PGAP4: variants seen among roughly 807,000 people sequenced by gnomAD.
The protein encoded by PGAP4 is GPI-N-acetylgalactosamine transferase PGAP4.
PGAP4 carries 12 observed loss-of-function variants against 28.2 expected under a neutral mutation model. The ratio of observed to expected loss-of-function variants is 0.42; its 90% CI spans 0.27 to 0.69. The LOEUF is 0.69. Among genes scored for constraint, PGAP4 ranks in the 30% least tolerant of loss-of-function variants. The pLI is 0.22. For missense variants in PGAP4, 425 were observed against 513.5 expected (o/e 0.83, Z 1.67); for synonymous variants, 205 against 211.8 (o/e 0.97, Z 0.28).
chr9:101,487,894 A>C (rs1255327073), upstream of PGAP4, among the ~76,000 whole-genome samples: 1 of 152,208 alleles, frequency 6.6e-6, no homozygotes, highest in African/African-American at 2.4e-5. Context: ...GGCTGCTACC[A>C]TGAAAGAACA....
In PGAP4 at chr9:101,486,627, G is replaced by A. The variant is rs1826621367; in HGVS notation, c.-78+322C>T. 6.6e-6 allele frequency among the ~76,000 whole-genome samples: 1 copy of A among 150,856 alleles called. No individual in the cohort carries two copies. The highest frequency in any genetic ancestry group is 2.1e-4 in the South Asian group (1 of 4,726). ...TTGACCTGTCAGCGCAGCTGGCGCA[G>A]GCAAGGGCCAGGGAGGCGCCCCCGA... On this transcript the variant is annotated intron_variant, in intron 1 of 1. Transcript: ENST00000374848. The surrounding 1 kb of genome is among the most constrained non-coding windows in gnomAD (Gnocchi z 4.7).
Position 101,473,530 on chromosome 9 carries a change from T to C in PGAP4, c.*2351A>G, listed in dbSNP as rs1025041034. ...GAACTGAGCCTGCATCTGCAGAAAATGTCCAAAGACAACTGGCAGAGTTCA... is the reference window on the plus strand; with the variant it reads ...GAACTGAGCCTGCATCTGCAGAAAACGTCCAAAGACAACTGGCAGAGTTCA... On this transcript the variant is annotated 3_prime_UTR_variant, in exon 2 of 2. Coordinates refer to ENST00000374848, the MANE Select transcript of PGAP4 (RefSeq NM_032342.3). The C allele has an allele frequency of 6.6e-6, 1 of 152,208 alleles. No homozygotes were observed. Among genetic ancestry groups the C allele is most frequent in the African/African-American group, 2.4e-5 (1 of 41,444 alleles). 9.4% of individuals were successfully genotyped at this position (152,208 alleles called of 1,614,324 possible). A position where few individuals can be genotyped will look rare whatever the true frequency, so the allele number is the denominator to read the frequency against.
intron 2 of PGAP4, among the ~76,000 whole-genome samples, chr9:101,497,640 G>C (rs553994388): frequency 2.0e-4 from 30 of 151,642 alleles, no homozygotes; most frequent in African/African-American, 7.2e-4. Context: ...GAAAATGTAT[G>C]TTGACAATTT....
exon 1 of PGAP4, chr9:101,533,403 C>G (rs1827128924): frequency 6.6e-6 from 1 of 152,276 alleles, no homozygotes; most frequent in Non-Finnish European, 1.5e-5. Context: ...TCAAATCCCT[C>G]AGATTCTCTC....
At chr9:101,525,476 G>A (rs1406858785) in intron 2 of PGAP4, among the ~76,000 whole-genome samples, 1 of 152,008 alleles carries the variant, frequency 6.6e-6, no homozygotes, top group East Asian at 1.9e-4. Context: ...GGAGGCCGAG[G>A]TGGGCAGATT....
chr9:101,530,700 A>G (rs909317104), intron 2 of PGAP4, among the ~76,000 whole-genome samples: 3 of 152,202 alleles, frequency 2.0e-5, no homozygotes, highest in African/African-American at 7.2e-5. Flanking sequence ...CCAATTCGCT[A>G]GAGTGAGACA....
chr9:101,498,637 T>C (rs1448961291), intron 2 of PGAP4, among the ~76,000 whole-genome samples: 1 of 151,954 alleles, frequency 6.6e-6, no homozygotes, highest in South Asian at 2.1e-4. Flanking sequence ...AAATACTACA[T>C]GTTAACTGTA....
intron 2 of PGAP4, among the ~76,000 whole-genome samples, chr9:101,500,826 T>C (rs1480491143): frequency 6.6e-6 from 1 of 152,052 alleles, no homozygotes; most frequent in Non-Finnish European, 1.5e-5. Flanking sequence ...CCCTTCTTGA[T>C]AGAAGTAAGG....
chr9:101,496,916 TAAAG>T (rs1050851284), intron 2 of PGAP4, among the ~76,000 whole-genome samples: 2 of 150,578 alleles, frequency 1.3e-5, no homozygotes, highest in Non-Finnish European at 1.5e-5. Context: ...ATTTTTTCAA[TAAAG>T]AATGTTTTTT....
chr9:101,476,177 C>A lies in PGAP4; in HGVS notation c.916G>T (p.Glu306Ter). 1 of 1,614,176 alleles carries A rather than the reference C, an allele frequency of 6.2e-7. No individual in the cohort carries two copies. Among genetic ancestry groups the A allele is most frequent in the East Asian group, 2.2e-5 (1 of 44,866 alleles). Residue 306 changes from glutamate to a stop codon, truncating the protein, a stop_gained, in exon 2 of 2, where the codon GAG becomes TAG. Transcript: ENST00000374848. LOFTEE classifies it high-confidence loss of function. The surrounding 1 kb of genome is among the most constrained non-coding windows in gnomAD (Gnocchi z 7.0). ...AGGAAATAGTGCCGACCCACCAGCT[C>A]CACCAGACCCATGCTATACAGGGAG... ...FFSLYSMGLV[E>*]LVGRHYFLEL...
intron 2 of PGAP4, among the ~76,000 whole-genome samples, chr9:101,508,161 T>TA (rs1826865289): frequency 6.9e-6 from 1 of 145,718 alleles, no homozygotes; most frequent in South Asian, 2.2e-4. Context: ...ATCTTAATGT[T>TA]AAAGATCAGG....
chr9:101,523,322 C>T (rs998366361), intron 2 of PGAP4, among the ~76,000 whole-genome samples: 3 of 152,096 alleles, frequency 2.0e-5, no homozygotes, highest in Non-Finnish European at 2.9e-5. Context: ...GAATTCTCTT[C>T]TTCCTCAGAA....
At position 101,521,769 on chromosome 9, in the gene PGAP4, G is replaced by A. The variant is rs180706653; in HGVS notation, c.-165+9579C>T. The stretch of plus-strand genomic sequence containing the variant: ...CTTCTGCTGGGTTTGGGTTTGGTTT[G>A]TTCTTGTTTCTTAGTTCCTTGAGGT... On this transcript the variant is annotated intron_variant, in intron 2 of 3. Coordinates refer to the PGAP4 transcript ENST00000374851. Among the ~76,000 whole-genome samples the A allele has an allele frequency of 2.2e-3, 334 of 152,110 alleles. 3 individuals carry two copies. The highest frequency in any genetic ancestry group is 3.7e-3 in the Non-Finnish European group (254 of 67,978).
At chr9:101,532,519 T>G (rs1263796909) in intron 1 of PGAP4, among the ~76,000 whole-genome samples, 6 of 152,194 alleles carry the variant, frequency 3.9e-5, no homozygotes, top group Non-Finnish European at 1.5e-5. Context: ...CTAAATGCAG[T>G]CTGTGAACCT....
At position 101,476,169 on chromosome 9, in the gene PGAP4, C is replaced by T; in HGVS notation, c.924G>A (p.Val308=). ...SLYSMGLVEL[V]GRHYFLELRR... ...GCAGTTCCAGGAAATAGTGCCGACC[C>T]ACCAGCTCCACCAGACCCATGCTAT... Residue 308 remains valine, a synonymous_variant, in exon 2 of 2, where the codon GTG becomes GTA. Coordinates refer to ENST00000374848, the MANE Select transcript of PGAP4 (RefSeq NM_032342.3). This position sits in a 1 kb window ranked among gnomAD's most constrained non-coding sequence, Gnocchi z 7.0. The T allele has an allele frequency of 1.2e-6, 2 of 1,614,158 alleles. No homozygotes were observed. The highest frequency in any genetic ancestry group is 1.7e-6 in the Non-Finnish European group (2 of 1,180,032).
At chr9:101,482,876 G>A (rs913851021) in intron 1 of PGAP4, among the ~76,000 whole-genome samples, 3 of 152,004 alleles carry the variant, frequency 2.0e-5, no homozygotes, top group African/African-American at 7.3e-5. Flanking sequence ...GCTTATTAAG[G>A]CCATACTACA....
chr9:101,495,863 A>T (rs984693175), intron 2 of PGAP4, among the ~76,000 whole-genome samples: 1 of 151,252 alleles, frequency 6.6e-6, no homozygotes, highest in African/African-American at 2.4e-5. Context: ...ACAAAACAAA[A>T]ACATCCTCCC....
At position 101,477,056 on chromosome 9, in the gene PGAP4, G is replaced by A. The variant is rs575803870; in HGVS notation, c.37C>T (p.Arg13Trp). Reference sequence around the variant, plus strand: ...CCCCAGGAGAGTCGCCGCAGCCTCCGGAGGAGCATGGCAGCTGGAGAGGTT... The same window carrying A: ...CCCCAGGAGAGTCGCCGCAGCCTCCAGAGGAGCATGGCAGCTGGAGAGGTT... The part of the protein sequence containing the change: ...TSTSPAAMLL[R>W]RLRRLSWGST... The change falls in exon 2 of 2, where the codon CGG (arginine) becomes TGG (tryptophan). Residue 13 changes from arginine to tryptophan, a missense_variant. Coordinates refer to ENST00000374848, the MANE Select transcript of PGAP4 (RefSeq NM_032342.3). 1.2e-5 allele frequency: 19 copies of A among 1,604,922 alleles called. No individual in the cohort carries two copies. In the East Asian group the frequency reaches 1.6e-4, roughly 13 times the overall value.
intron 2 of PGAP4, among the ~76,000 whole-genome samples, chr9:101,494,332 G>C (rs1171688631): frequency 6.6e-6 from 1 of 151,746 alleles, no homozygotes; most frequent in African/African-American, 2.4e-5. Context: ...CATTTTTGGA[G>C]AATCAACTAG....
Sources: allele counts gnomAD v4.1 joint callset (sites outside exome capture counted in the v4.1 genomes callset), GRCh38; gene constraint gnomAD v4.1.1; non-coding constraint Gnocchi (gnomAD v3.1); transcripts MANE v1.5; gene names NCBI Gene and HGNC (gene_info 2026-07-23, HGNC 2026-07-21).